CDH12: variants seen among roughly 807,000 people sequenced by gnomAD.
CDH12 encodes cadherin-12.
A neutral mutation model predicts 74.1 loss-of-function variants in CDH12; 41 were observed. The observed-to-expected ratio is 0.55, with a 90% CI of 0.43 to 0.72. The LOEUF is 0.72. Among genes scored for constraint, CDH12 ranks in the 30% least tolerant of loss-of-function variants. The pLI, the probability that CDH12 is intolerant of heterozygous loss-of-function variation, is 0.00. For synonymous variants in CDH12, 399 were observed against 355.0 expected, an observed-to-expected ratio of 1.12 and a Z score of -1.39; for missense variants, 945 against 977.2, an observed-to-expected ratio of 0.97 and a Z score of 0.44.
chr5:22,497,770 GTGGC>G (rs1440983792), intron 2 of CDH12, among the ~76,000 whole-genome samples: 3 of 144,782 alleles, frequency 2.1e-5, no homozygotes, highest in African/African-American at 7.7e-5. Flanking sequence ...AGCCTCCTAA[GTGGC>G]TGGAATTACA....
At chr5:22,283,251 T>TATATAC (rs1282673054) in intron 3 of CDH12, among the ~76,000 whole-genome samples, 30 of 102,040 alleles carry the variant, frequency 2.9e-4, no homozygotes, top group African/African-American at 1.2e-3. Context: ...TATATATATA[T>TATATAC]ACACACACAC....
intron 3 of CDH12, among the ~76,000 whole-genome samples, chr5:22,321,306 A>T (rs1738867735): frequency 6.7e-6 from 1 of 149,156 alleles, no homozygotes; most frequent in Non-Finnish European, 1.5e-5. Flanking sequence ...ATGGAATACT[A>T]TGCAGCCATA....
At chr5:21,807,198 T>G (rs1175881119) in intron 9 of CDH12, among the ~76,000 whole-genome samples, 1 of 152,144 alleles carries the variant, frequency 6.6e-6, no homozygotes, top group Non-Finnish European at 1.5e-5. Flanking sequence ...TGCCCAGAGA[T>G]GGACTCAGCA....
intron 1 of CDH12, among the ~76,000 whole-genome samples, chr5:22,785,189 C>T (rs894744840): frequency 6.6e-6 from 1 of 152,078 alleles, no homozygotes; most frequent in Non-Finnish European, 1.5e-5. Flanking sequence ...GATCAAGTAA[C>T]CTTTTTTCTT....
At chr5:22,190,031 C>T (rs958235491) in intron 4 of CDH12, among the ~76,000 whole-genome samples, 3 of 151,760 alleles carry the variant, frequency 2.0e-5, no homozygotes, top group African/African-American at 4.8e-5. Flanking sequence ...ATTAGCCTTG[C>T]GTTCTGGACT....
chr5:22,203,694 T>C (rs1168716384), intron 4 of CDH12, among the ~76,000 whole-genome samples: 7 of 152,230 alleles, frequency 4.6e-5, no homozygotes, highest in African/African-American at 1.4e-4. Context: ...ATGACTGTAC[T>C]AGTTTACATT....
chr5:21,782,678 A>G (rs2149897388), intron 11 of CDH12, among the ~76,000 whole-genome samples: 1 of 152,268 alleles, frequency 6.6e-6, no homozygotes, highest in East Asian at 1.9e-4. Context: ...CAAGAGCCAA[A>G]CGTCACCACT....
At chr5:22,819,626 T>C (rs902290391) in intron 1 of CDH12, among the ~76,000 whole-genome samples, 3 of 151,638 alleles carry the variant, frequency 2.0e-5, no homozygotes, top group Non-Finnish European at 4.4e-5. Flanking sequence ...ATATCAGAAA[T>C]ACATATACAC....
At chr5:21,789,278 A>G (rs1746363272) in intron 10 of CDH12, among the ~76,000 whole-genome samples, 1 of 152,082 alleles carries the variant, frequency 6.6e-6, no homozygotes, top group South Asian at 2.1e-4. Flanking sequence ...GTAAGATATT[A>G]TATCCCTTGA....
intron 9 of CDH12, among the ~76,000 whole-genome samples, chr5:21,808,722 T>A (rs1035697161): frequency 6.6e-6 from 1 of 152,074 alleles, no homozygotes; most frequent in Non-Finnish European, 1.5e-5. Flanking sequence ...AGTTTTATGA[T>A]CAATATAGTA....
At chr5:21,908,230 T>C (rs1163022178) in intron 6 of CDH12, among the ~76,000 whole-genome samples, 2 of 152,184 alleles carry the variant, frequency 1.3e-5, no homozygotes, top group Non-Finnish European at 2.9e-5. Flanking sequence ...ATTGGGAATT[T>C]GGAGAGAAAC....
chr5:22,463,242 A>T (rs1037637112), intron 2 of CDH12, among the ~76,000 whole-genome samples: 1 of 145,966 alleles, frequency 6.9e-6, no homozygotes, highest in Non-Finnish European at 1.5e-5. Flanking sequence ...TGTGTGTAAA[A>T]TGCCACAATG....
chr5:22,314,541 A>G (rs1248201360), intron 3 of CDH12, among the ~76,000 whole-genome samples: 1 of 152,194 alleles, frequency 6.6e-6, no homozygotes, highest in Admixed American at 6.5e-5. Flanking sequence ...ACTGTGAGAA[A>G]ATACATTTCT....
At chr5:22,347,771 A>C (rs1740180168) in intron 3 of CDH12, among the ~76,000 whole-genome samples, 1 of 152,196 alleles carries the variant, frequency 6.6e-6, no homozygotes, top group Non-Finnish European at 1.5e-5. Context: ...TATTAGTACT[A>C]GTTGTAGTGC....
chr5:22,449,506 A>C (rs530344595), intron 2 of CDH12, among the ~76,000 whole-genome samples: 1 of 152,212 alleles, frequency 6.6e-6, no homozygotes, highest in African/African-American at 2.4e-5. Flanking sequence ...TATTTTTCTT[A>C]GATGTCTACA....
At chr5:22,264,350 A>C (rs1753630507) in intron 3 of CDH12, among the ~76,000 whole-genome samples, 1 of 152,162 alleles carries the variant, frequency 6.6e-6, no homozygotes, top group Non-Finnish European at 1.5e-5. Flanking sequence ...TCATTTGTAA[A>C]GTTAAACATT....
chr5:22,559,151 C>G (rs1738934786), intron 1 of CDH12, among the ~76,000 whole-genome samples: 1 of 151,966 alleles, frequency 6.6e-6, no homozygotes, highest in Admixed American at 6.6e-5. Context: ...TTCTTGTACT[C>G]CTGATAATGA....
At chr5:22,231,858 A>C (rs948340533) in intron 3 of CDH12, among the ~76,000 whole-genome samples, 21 of 151,980 alleles carry the variant, frequency 1.4e-4, no homozygotes, top group Admixed American at 7.9e-4. Flanking sequence ...GTAATTACTA[A>C]ATAAAATCTT....
chr5:22,457,565 A>G (rs1745331120), intron 2 of CDH12, among the ~76,000 whole-genome samples: 1 of 148,272 alleles, frequency 6.7e-6, no homozygotes. Flanking sequence ...GATTACAGGC[A>G]CCTGCTAACA....
Sources: gnomAD v4.1 joint callset for allele counts (sites outside exome capture counted in the v4.1 genomes callset) on GRCh38, gnomAD v4.1.1 for gene constraint, MANE v1.5 for transcripts, NCBI Gene and HGNC (gene_info 2026-07-23, HGNC 2026-07-21) for gene names.